Variants in FRMD5 observed in about 807,000 individuals in gnomAD.
FRMD5 encodes FERM domain-containing protein 5.
FRMD5 carries 20 observed loss-of-function variants against 69.0 expected under a neutral mutation model. The observed-to-expected ratio is 0.29, with a 90% CI of 0.20 to 0.42. The LOEUF (loss-of-function observed/expected upper bound fraction) is 0.42, where lower values mean the gene tolerates loss of function less well. FRMD5 is among the 10% of genes least tolerant of loss of function. The pLI is 1.00. For missense variants in FRMD5, 595 were observed against 708.6 expected, an observed-to-expected ratio of 0.84 and a Z score of 1.82; for synonymous variants, 271 against 260.1, an observed-to-expected ratio of 1.04 and a Z score of -0.40.
intron 1 of FRMD5, among the ~76,000 whole-genome samples, chr15:43,925,388 A>C (rs2087700467): frequency 1.3e-5 from 2 of 152,234 alleles, no homozygotes; most frequent in African/African-American, 4.8e-5. Flanking sequence ...TACATTTTGT[A>C]ACATATTTTT....
intron 1 of FRMD5, among the ~76,000 whole-genome samples, chr15:44,067,153 G>A (rs1893345780): frequency 6.6e-6 from 1 of 152,176 alleles, no homozygotes; most frequent in Non-Finnish European, 1.5e-5. Flanking sequence ...TATTGAGACA[G>A]AGGAAGTTGA....
At chr15:43,990,998 A>G (rs1468927186) in intron 1 of FRMD5, among the ~76,000 whole-genome samples, 2 of 152,250 alleles carry the variant, frequency 1.3e-5, no homozygotes, top group Non-Finnish European at 2.9e-5. Flanking sequence ...ACTATATATC[A>G]GAACAGATTT....
intron 1 of FRMD5, among the ~76,000 whole-genome samples, chr15:43,993,794 T>C (rs1388704027): frequency 6.6e-6 from 1 of 152,234 alleles, no homozygotes; most frequent in African/African-American, 2.4e-5. Context: ...ATAATTGTTA[T>C]AGTCTCTTGA....
chr15:43,887,082 G>A (rs1297639229), intron 10 of FRMD5, among the ~76,000 whole-genome samples: 1 of 152,196 alleles, frequency 6.6e-6, no homozygotes, highest in African/African-American at 2.4e-5. Context: ...AAATGCTGCT[G>A]AAGGCATGAA....
intron 1 of FRMD5, among the ~76,000 whole-genome samples, chr15:43,941,631 A>T (rs1045116507): frequency 2.0e-5 from 3 of 152,232 alleles, no homozygotes; most frequent in Non-Finnish European, 2.9e-5. Context: ...TTAAAAAATA[A>T]ATCTTGACAG....
At chr15:44,196,738 CTCTCTCTCTCTCTT>C (rs1472620769), upstream of FRMD5, among the ~76,000 whole-genome samples, 4 of 103,252 alleles carry the variant, frequency 3.9e-5, no homozygotes, top group South Asian at 4.5e-4. Context: ...TTCATTCTCT[CTCTCTCTCTCTCTT>C]TCTCTCTCTC....
At chr15:43,997,527 GA>G (rs1889989761) in intron 1 of FRMD5, among the ~76,000 whole-genome samples, 1 of 152,206 alleles carries the variant, frequency 6.6e-6, no homozygotes, top group African/African-American at 2.4e-5. Context: ...CAGAATTGCT[GA>G]TAGAACCTAG....
chr15:43,913,757 A>G (rs569251089), intron 4 of FRMD5, among the ~76,000 whole-genome samples: 1 of 152,336 alleles, frequency 6.6e-6, no homozygotes, highest in South Asian at 2.1e-4. Flanking sequence ...AAGTCCAGAG[A>G]TGGAGAGTGA....
At chr15:43,922,804 G>A (rs1031796179) in intron 2 of FRMD5, among the ~76,000 whole-genome samples, 3 of 151,940 alleles carry the variant, frequency 2.0e-5, no homozygotes, top group Non-Finnish European at 4.4e-5. Flanking sequence ...CCAAGTAGCT[G>A]GGACTACAGG....
intron 1 of FRMD5, among the ~76,000 whole-genome samples, chr15:44,123,348 A>T (rs1295955684): frequency 6.6e-6 from 1 of 151,586 alleles, no homozygotes; most frequent in Non-Finnish European, 1.5e-5. Flanking sequence ...CCATCTCAAA[A>T]AAAAAAAGTG....
Position 43,877,327 on chromosome 15 carries a change from C to T in FRMD5, c.1136-2865G>A, listed in dbSNP as rs56742095. On this transcript the variant is annotated intron_variant, in intron 13 of 13. Transcript: ENST00000417257. Reference sequence around the variant, plus strand: ...TGGTTCAGGGCTAGCTCCAGAAGCCCAAAGGGTCTCTTTTTTCCCCTTCTT... The same window carrying T: ...TGGTTCAGGGCTAGCTCCAGAAGCCTAAAGGGTCTCTTTTTTCCCCTTCTT... Among the ~76,000 whole-genome samples the T allele has an allele frequency of 1.6e-3, 237 of 152,312 alleles. 6 individuals are homozygous for T. In the East Asian group the frequency reaches 0.042, roughly 27 times the overall value.
At chr15:44,067,852 C>T (rs1034854965) in intron 1 of FRMD5, among the ~76,000 whole-genome samples, 11 of 152,010 alleles carry the variant, frequency 7.2e-5, no homozygotes, top group Admixed American at 2.6e-4. Flanking sequence ...TCATCTGGCA[C>T]CCAGAATATA....
chr15:43,887,607 T>C (rs1219865944), intron 10 of FRMD5, among the ~76,000 whole-genome samples: 1 of 152,144 alleles, frequency 6.6e-6, no homozygotes, highest in Non-Finnish European at 1.5e-5. Flanking sequence ...GAGGACCCAG[T>C]TCTGCCAGCC....
intron 1 of FRMD5, chr15:43,989,515 G>A (rs1226608344): frequency 1.0e-5 from 9 of 895,278 alleles, no homozygotes; most frequent in Middle Eastern, 2.4e-4. Flanking sequence ...TCTCCTGCTC[G>A]AAGTCCAGGG....
At chr15:44,185,959 T>C (rs1384648889) in intron 1 of FRMD5, among the ~76,000 whole-genome samples, 4 of 152,166 alleles carry the variant, frequency 2.6e-5, no homozygotes, top group Non-Finnish European at 4.4e-5. Flanking sequence ...AGAGTTTCTC[T>C]CTTGTTGCCC....
intron 1 of FRMD5, among the ~76,000 whole-genome samples, chr15:44,104,461 C>T (rs1020975456): frequency 1.3e-5 from 2 of 152,198 alleles, no homozygotes. Flanking sequence ...TCATTCACCA[C>T]TCACTCACTG....
chr15:44,094,453 A>G (rs2076522126), intron 1 of FRMD5, among the ~76,000 whole-genome samples: 1 of 152,056 alleles, frequency 6.6e-6, no homozygotes, highest in African/African-American at 2.4e-5. Context: ...GACACCTACA[A>G]CCCATTAGTC....
chr15:43,918,277 A>G (rs967940130), intron 4 of FRMD5, among the ~76,000 whole-genome samples: 1 of 152,130 alleles, frequency 6.6e-6, no homozygotes, highest in Non-Finnish European at 1.5e-5. Flanking sequence ...TACAAAAATT[A>G]GCCAGCCGTG....
At chr15:43,937,344 T>A (rs2089777815) in intron 1 of FRMD5, among the ~76,000 whole-genome samples, 1 of 152,060 alleles carries the variant, frequency 6.6e-6, no homozygotes, top group South Asian at 2.1e-4. Context: ...GCATGAAGGA[T>A]GTTTATTAAG....
Sources: allele counts gnomAD v4.1 joint callset (sites outside exome capture counted in the v4.1 genomes callset), GRCh38; gene constraint gnomAD v4.1.1; transcripts MANE v1.5; gene names NCBI Gene and HGNC (gene_info 2026-07-23, HGNC 2026-07-21).